Variants in C8orf74 observed in about 807,000 individuals in gnomAD.
C8orf74 encodes uncharacterized protein C8orf74.
A neutral mutation model predicts 22.2 loss-of-function variants in C8orf74; 29 were observed. The observed-to-expected ratio is 1.31, with a 90% CI of 0.97 to 1.78. C8orf74 has a LOEUF of 1.78. Ranked by LOEUF, C8orf74 falls within the 40% of genes most tolerant of loss-of-function variation. C8orf74 has a pLI of 0.00. For missense variants in C8orf74, 515 were observed against 369.9 expected (o/e 1.39, Z -3.22); for synonymous variants, 255 against 163.1 (o/e 1.56, Z -4.30).
At chr8:10,675,858 A>G (rs1231297767) in intron 2 of C8orf74, 1 of 152,216 alleles carries the variant, frequency 6.6e-6, no homozygotes, top group African/African-American at 2.4e-5. Context: ...AACCTTTCCA[A>G]ACTGAAAGAG....
At chr8:10,678,736 C>A (rs1307388724) in intron 2 of C8orf74, among the ~76,000 whole-genome samples, 1 of 152,194 alleles carries the variant, frequency 6.6e-6, no homozygotes, top group Non-Finnish European at 1.5e-5. Context: ...GCCAGGCTGG[C>A]TGCAGTGGGG....
chr8:10,686,482 C>G (rs1799264865), intron 2 of C8orf74: 1 of 152,372 alleles, frequency 6.6e-6, no homozygotes, highest in Admixed American at 6.5e-5. Flanking sequence ...ACCACATGTC[C>G]AGAGCTTTCT....
At chr8:10,674,014 C>A (rs1396748373) in intron 1 of C8orf74, among the ~76,000 whole-genome samples, 3 of 143,728 alleles carry the variant, frequency 2.1e-5, no homozygotes, top group African/African-American at 7.8e-5. Flanking sequence ...TCATACCCCG[C>A]AACCCCCATA....
intron 2 of C8orf74, among the ~76,000 whole-genome samples, chr8:10,678,846 T>C (rs1799087997): frequency 1.3e-5 from 2 of 152,134 alleles, no homozygotes; most frequent in Admixed American, 1.3e-4. Context: ...CCATTCAGGA[T>C]GGTGCCTGCT....
intron 2 of C8orf74, among the ~76,000 whole-genome samples, chr8:10,694,274 A>T (rs946089492): frequency 1.3e-5 from 2 of 152,130 alleles, no homozygotes; most frequent in Non-Finnish European, 2.9e-5. Flanking sequence ...AGACAGTAAC[A>T]ATTTATAGGT....
intron 2 of C8orf74, among the ~76,000 whole-genome samples, chr8:10,694,810 G>A (rs964271101): frequency 9.2e-5 from 14 of 152,142 alleles, no homozygotes; most frequent in Non-Finnish European, 1.9e-4. Context: ...AAGAATTAAT[G>A]GATGGATGAA....
At position 10,697,734 on chromosome 8, in the gene C8orf74, A is replaced by G. The variant is rs187767039; in HGVS notation, c.377A>G (p.Gln126Arg). The G allele has an allele frequency of 1.5e-4, 248 of 1,614,010 alleles. No individual in the cohort carries two copies. The African/African-American group carries it at 2.7e-3, about 17-fold the overall frequency. The change falls in exon 3 of 4, where the codon CAG (glutamine) becomes CGG (arginine). Residue 126 changes from glutamine to arginine, a missense_variant. Coordinates refer to ENST00000304519, the MANE Select transcript of C8orf74 (RefSeq NM_001040032.2). The part of the protein sequence containing the change: ...HTFIRHYKLY[Q>R]YVLGQDQQVD... ...TTCATCCGCCACTACAAACTCTACC[A>G]GTATGTCCTGGGCCAGGACCAGCAG... is the stretch of plus-strand genomic sequence containing the variant.
At chr8:10,679,063 T>C (rs895537357) in intron 2 of C8orf74, among the ~76,000 whole-genome samples, 9 of 152,170 alleles carry the variant, frequency 5.9e-5, no homozygotes, top group African/African-American at 2.2e-4. Context: ...CCCTACATGT[T>C]TCTGGGGACC....
At position 10,700,367 on chromosome 8, in the gene C8orf74, G is replaced by GCCCCCCCCCCCAACCCCCCCC; in HGVS notation, c.786_787insCCCCCCAACCCCCCCCCCCCC (p.Pro262_Thr263insProProAsnProProProPro). 1.9e-6 allele frequency: 3 copies of GCCCCCCCCCCCAACCCCCCCC among 1,590,920 alleles called. No homozygotes were observed. Among genetic ancestry groups the GCCCCCCCCCCCAACCCCCCCC allele is most frequent in the Non-Finnish European group, 1.7e-6 (2 of 1,159,756 alleles). ...TCAGAAGAAGACTCTGAACCTCAACGCCCCCACCCCTATCCCGCCCCCCAT... is the reference window on the plus strand; with the variant it reads ...TCAGAAGAAGACTCTGAACCTCAACGCCCCCCCCCCCAACCCCCCCCCCCCCACCCCTATCCCGCCCCCCAT... On this transcript the variant is annotated inframe_insertion, in exon 4 of 4. Transcript: ENST00000304519.
chr8:10,691,000 T>A (rs1799369349), intron 2 of C8orf74: 1 of 453,756 alleles, frequency 2.2e-6, no homozygotes, highest in Non-Finnish European at 4.4e-6. Flanking sequence ...CAGCGGCTTC[T>A]CCCTGAGACT....
chr8:10,692,697 T>A (rs1484243270), intron 2 of C8orf74: 1 of 151,144 alleles, frequency 6.6e-6, no homozygotes, highest in Non-Finnish European at 1.5e-5. Context: ...AGTGTTCGGG[T>A]CTTTCTATGT....
At chr8:10,690,254 C>T (rs186562823) in intron 2 of C8orf74, among the ~76,000 whole-genome samples, 3 of 152,242 alleles carry the variant, frequency 2.0e-5, no homozygotes, top group East Asian at 1.9e-4. Context: ...CCAGACTCAC[C>T]GTGCTGGGAG....
chr8:10,700,398 G>A lies in C8orf74; in HGVS notation c.812G>A (p.Ser271Asn). 1.7e-6 allele frequency: 2 copies of A among 1,183,008 alleles called. No homozygotes were observed. Among genetic ancestry groups the A allele is most frequent in the Non-Finnish European group, 1.2e-6 (1 of 858,524 alleles). 73.3% of individuals were successfully genotyped at this position (1,183,008 alleles called of 1,614,324 possible). ...APTPIPPPIT[S>N]HAGQEEALKP... The stretch of plus-strand genomic sequence containing the variant: ...ACCCCTATCCCGCCCCCCATCACCA[G>A]CCACGCAGGCCAGGAGGAAGCCCTG... The change falls in exon 4 of 4, where the codon AGC (serine) becomes AAC (asparagine). Residue 271 changes from serine to asparagine, a missense_variant. By Grantham distance (46) the Ser-to-Asn change is conservative. Transcript: ENST00000304519.
intron 2 of C8orf74, among the ~76,000 whole-genome samples, chr8:10,687,935 G>A (rs1200435721): frequency 3.3e-5 from 5 of 152,130 alleles, no homozygotes; most frequent in Non-Finnish European, 7.4e-5. Context: ...GCCAGGTGCA[G>A]TGGCTCACAC....
intron 2 of C8orf74, chr8:10,690,852 T>C: frequency 2.2e-6 from 1 of 455,900 alleles, no homozygotes; most frequent in Non-Finnish European, 4.4e-6. Flanking sequence ...CCTCCACTCG[T>C]GCTGCATATC....
At chr8:10,684,394 C>T (rs886432298) in intron 2 of C8orf74, among the ~76,000 whole-genome samples, 2 of 152,138 alleles carry the variant, frequency 1.3e-5, no homozygotes, top group Non-Finnish European at 2.9e-5. Context: ...GTAGGGGGAC[C>T]ATTATGGACA....
At chr8:10,690,121 C>A (rs1472687609) in intron 2 of C8orf74, among the ~76,000 whole-genome samples, 1 of 152,192 alleles carries the variant, frequency 6.6e-6, no homozygotes, top group Non-Finnish European at 1.5e-5. Flanking sequence ...TACAAAAAGA[C>A]CCCAAAGCCG....
chr8:10,697,869 T>C lies in C8orf74; in HGVS notation c.512T>C (p.Leu171Pro), dbSNP rs945288362. ...LWIHEQQVAT[L>P]TEAEAQKRAD... Reference sequence around the variant, plus strand: ...ATCCACGAGCAGCAGGTGGCCACACTGACGGAGGCCGAGGCACAGAAGCGC... The same window carrying C: ...ATCCACGAGCAGCAGGTGGCCACACCGACGGAGGCCGAGGCACAGAAGCGC... The change falls in exon 3 of 4, where the codon CTG becomes CCG. Residue 171 changes from leucine to proline, a missense_variant. Transcript: ENST00000304519. 4 of 1,613,056 alleles carry C rather than the reference T, an allele frequency of 2.5e-6. No individual in the cohort carries two copies. Among genetic ancestry groups the C allele is most frequent in the Middle Eastern group, 1.6e-4 (1 of 6,082 alleles).
chr8:10,682,675 G>A (rs918648420), intron 2 of C8orf74, among the ~76,000 whole-genome samples: 1 of 152,192 alleles, frequency 6.6e-6, no homozygotes, highest in African/African-American at 2.4e-5. Context: ...CTGACATACT[G>A]GGGATTAGGA....
Sources: allele counts gnomAD v4.1 joint callset (sites outside exome capture counted in the v4.1 genomes callset), GRCh38; gene constraint gnomAD v4.1.1; transcripts MANE v1.5; gene names NCBI Gene and HGNC (gene_info 2026-07-23, HGNC 2026-07-21).